The following MAU2 variants were observed in gnomAD, a reference collection of about 807,000 sequenced individuals.
The protein encoded by MAU2 is MAU2 chromatid cohesion factor homolog.
In MAU2, 9 loss-of-function variants were observed where a neutral mutation model predicts 89.1. The ratio of observed to expected loss-of-function variants is 0.10; its 90% confidence interval spans 0.06 to 0.18. The LOEUF is 0.18. Among genes scored for constraint, MAU2 ranks in the 10% least tolerant of loss-of-function variants. MAU2 has a pLI of 1.00. For missense variants in MAU2, 425 were observed against 803.5 expected (o/e 0.53, Z 5.69); for synonymous variants, 357 against 343.4 (o/e 1.04, Z -0.44).
intron 4 of MAU2, 138 bp from the exon 5 acceptor site, chr19:19,338,707 T>C: frequency 1.6e-6 from 1 of 623,118 alleles, no homozygotes; most frequent in South Asian, 2.0e-5. Context: ...GATAATTTGG[T>C]TAATTTAGCT....
At chr19:19,338,150 C>T (rs941320711) in intron 4 of MAU2, among the ~76,000 whole-genome samples, 1 of 152,238 alleles carries the variant, frequency 6.6e-6, no homozygotes, top group African/African-American at 2.4e-5. Flanking sequence ...GAAAAGTACG[C>T]ACAGGGAAGA....
chr19:19,334,843 C>T (rs889651042), intron 1 of MAU2, among the ~76,000 whole-genome samples: 1 of 152,218 alleles, frequency 6.6e-6, no homozygotes, highest in Non-Finnish European at 1.5e-5. Flanking sequence ...TGCTGCCCTG[C>T]CCCATGCAGT....
intron 6 of MAU2, 94 bp downstream of exon 6, chr19:19,340,967 T>G (rs978831817): frequency 1.3e-5 from 20 of 1,536,866 alleles, no homozygotes; most frequent in Non-Finnish European, 1.6e-5. Flanking sequence ...CCACTCTCCA[T>G]GGCATGGCCC....
chr19:19,343,799 G>A (rs1465855933), intron 9 of MAU2, 38 bp from the exon 10 acceptor site: 2 of 1,526,144 alleles, frequency 1.3e-6, no homozygotes, highest in Non-Finnish European at 1.8e-6. Flanking sequence ...GCCTCCTCTG[G>A]CCTCCCCTGC....
At chr19:19,351,216 A>AT (rs1410471175) in intron 16 of MAU2, among the ~76,000 whole-genome samples, 24 of 151,606 alleles carry the variant, frequency 1.6e-4, no homozygotes, top group Admixed American at 1.6e-3. Context: ...TGCTCAGCTA[A>AT]TTTTTTTATT....
Position 19,357,611 on chromosome 19 carries a change from T to TGTG in MAU2, c.*1829_*1830insGTG, listed in dbSNP as rs2048194806. ...AGCCTTTCTTTGCTTGTAGGGCATT[T>TGTG]TGTATGTAGAGCAGTTGAAAACAGA... On this transcript the variant is annotated 3_prime_UTR_variant, in exon 19 of 19. Coordinates refer to ENST00000262815, the MANE Select transcript of MAU2 (RefSeq NM_015329.4). 1 of 152,368 alleles carries TGTG rather than the reference T, an allele frequency of 6.6e-6. No homozygotes were observed. The highest frequency in any genetic ancestry group is 1.5e-5 in the Non-Finnish European group (1 of 68,016). The allele number at this position is 152,368 out of a possible 1,614,324, so 9.4% of individuals were successfully genotyped here.
At chr19:19,336,034 A>C (rs1209962716) in intron 2 of MAU2, 88 bp from the exon 3 acceptor site, 1 of 942,732 alleles carries the variant, frequency 1.1e-6, no homozygotes, top group Non-Finnish European at 1.7e-6. Flanking sequence ...TGCCCTGCAG[A>C]CCTTGGCAGG....
At chr19:19,347,669 G>C (rs1054375209) in intron 13 of MAU2, 9 of 255,972 alleles carry the variant, frequency 3.5e-5, no homozygotes, top group African/African-American at 2.0e-4. Flanking sequence ...TCTGCTCTAG[G>C]ATGTCGGCCA....
At chr19:19,355,671 C>A (rs371699376) in intron 18 of MAU2, 37 bp from the exon 19 acceptor site, 1 of 1,559,272 alleles carries the variant, frequency 6.4e-7, no homozygotes, top group Non-Finnish European at 8.8e-7. Flanking sequence ...GGGAACGGTC[C>A]ACAGTGCCTC....
At chr19:19,340,988 C>G (rs2061640249) in intron 6 of MAU2, 115 bp downstream of exon 6, 1 of 1,410,132 alleles carries the variant, frequency 7.1e-7, no homozygotes, top group Non-Finnish European at 9.7e-7. Context: ...CTTAGGCGCC[C>G]AGACCCTTAG....
Position 19,332,394 on chromosome 19 carries a change from A to C in MAU2, c.277-3324A>C, listed in dbSNP as rs1327684745. Among the ~76,000 whole-genome samples the C allele has an allele frequency of 4.0e-5, 6 of 149,262 alleles. No individual in the cohort carries two copies. In the South Asian group the frequency reaches 1.3e-3, roughly 31 times the overall value. On this transcript the variant is annotated intron_variant, in intron 1 of 18. Coordinates refer to ENST00000262815, the MANE Select transcript of MAU2 (RefSeq NM_015329.4). The stretch of plus-strand genomic sequence containing the variant: ...TCGCTGTGTTGCCCAGGCCGGTCAC[A>C]AAAAGAGGGGCTTTATCTAATGTCC...
chr19:19,353,812 C>G (rs2061763154), intron 16 of MAU2: 1 of 167,228 alleles, frequency 6.0e-6, no homozygotes. Flanking sequence ...CCTGCCACAT[C>G]CTGAGGATGC....
intron 1 of MAU2, among the ~76,000 whole-genome samples, chr19:19,332,382 C>T (rs1274132472): frequency 6.7e-6 from 1 of 149,772 alleles, no homozygotes; most frequent in African/African-American, 2.5e-5. Flanking sequence ...CTGTGTTGCC[C>T]AGGCCGGTCA....
Position 19,354,444 on chromosome 19 carries a change from A to G in MAU2, c.1638A>G (p.Arg546=). The change falls in exon 17 of 19, where the codon AGA becomes AGG. Residue 546 remains arginine (R), a splice_region_variant and synonymous_variant. Coordinates refer to ENST00000262815, the MANE Select transcript of MAU2 (RefSeq NM_015329.4). ...AGCTGTGGTCGTCAGCACTGCTGAGAGGTGAGTGCAATGGCCACCCCTCTT... is the reference window on the plus strand; with the variant it reads ...AGCTGTGGTCGTCAGCACTGCTGAGGGGTGAGTGCAATGGCCACCCCTCTT... ...SVQLWSSALL[R]DLNKACGNAM... is the part of the protein sequence containing the mutation. 1 of 1,612,864 alleles carries G rather than the reference A, an allele frequency of 6.2e-7. No homozygotes were observed. The highest frequency in any genetic ancestry group is 8.5e-7 in the Non-Finnish European group (1 of 1,179,510).
At chr19:19,347,421 G>A in intron 13 of MAU2, 55 bp downstream of exon 13, 1 of 1,421,028 alleles carries the variant, frequency 7.0e-7, no homozygotes, top group Non-Finnish European at 9.9e-7. Context: ...TTCTTTTTGG[G>A]GAACCAGGGG....
intron 1 of MAU2, among the ~76,000 whole-genome samples, chr19:19,327,301 G>GTATTTATTTATTTATT (rs147425412): frequency 1.4e-5 from 2 of 142,290 alleles, no homozygotes; most frequent in African/African-American, 5.4e-5. Context: ...TTTTCTACTT[G>GTATTTATTTATTTATT]TATTTATTTA....
chr19:19,324,187 A>C (rs1285619714), intron 1 of MAU2, among the ~76,000 whole-genome samples: 1 of 152,182 alleles, frequency 6.6e-6, no homozygotes, highest in Non-Finnish European at 1.5e-5. Flanking sequence ...GATGGAGTTG[A>C]CTTGGAGCTA....
chr19:19,354,334 C>T (rs1568669400), intron 16 of MAU2, 21 bp from the exon 17 acceptor site: 4 of 1,605,906 alleles, frequency 2.5e-6, no homozygotes, highest in South Asian at 2.2e-5. Flanking sequence ...CTCACTCCCC[C>T]TTGCTGCTCT....
At chr19:19,334,151 C>T (rs912661084) in intron 1 of MAU2, 8 of 985,014 alleles carry the variant, frequency 8.1e-6, no homozygotes, top group African/African-American at 1.7e-5. Flanking sequence ...GCATCACACA[C>T]GTTGCCACTG....
Sources: allele counts gnomAD v4.1 joint callset (sites outside exome capture counted in the v4.1 genomes callset), GRCh38; gene constraint gnomAD v4.1.1; transcripts MANE v1.5; gene names NCBI Gene and HGNC (gene_info 2026-07-23, HGNC 2026-07-21).